Variants in DLGAP1 observed in about 807,000 individuals in gnomAD.
DLGAP1 encodes DLG associated protein 1.
A neutral mutation model predicts 90.8 loss-of-function variants in DLGAP1; 11 were observed. The ratio of observed to expected loss-of-function variants is 0.12; its 90% CI spans 0.08 to 0.20. The LOEUF (loss-of-function observed/expected upper bound fraction) is 0.20. Among genes scored for constraint, DLGAP1 ranks in the 10% least tolerant of loss-of-function variants. The pLI is 1.00. For synonymous variants in DLGAP1, 558 were observed against 540.7 expected, an observed-to-expected ratio of 1.03 and a Z score of -0.44; for missense variants, 1,050 against 1,333.8, an observed-to-expected ratio of 0.79 and a Z score of 3.31.
chr18:3,925,551 G>C (rs887401703), intron 3 of DLGAP1, among the ~76,000 whole-genome samples: 2 of 152,014 alleles, frequency 1.3e-5, no homozygotes, highest in African/African-American at 4.8e-5. Context: ...ATGAAAATGT[G>C]TATAAAAAAA....
At chr18:4,048,174 G>C (rs1247535807) in intron 2 of DLGAP1, among the ~76,000 whole-genome samples, 1 of 152,006 alleles carries the variant, frequency 6.6e-6, no homozygotes, top group East Asian at 1.9e-4. Context: ...CAGATTATTA[G>C]AAAAACAAAT....
At chr18:3,502,295 T>G (rs1369998323) in intron 12 of DLGAP1, 198 bp downstream of exon 12, 1 of 1,329,208 alleles carries the variant, frequency 7.5e-7, no homozygotes, top group Non-Finnish European at 9.6e-7. Flanking sequence ...CAGGTTTTTC[T>G]TTAAAAATAT....
intron 4 of DLGAP1, among the ~76,000 whole-genome samples, chr18:3,877,951 C>T (rs2148821503): frequency 6.6e-6 from 1 of 152,328 alleles, no homozygotes; most frequent in East Asian, 1.9e-4. Context: ...ACTCCAAGAA[C>T]AGGCTCTGGC....
At position 3,508,638 on chromosome 18, in the gene DLGAP1, C is replaced by T; in HGVS notation, c.2503G>A (p.Val835Met). Residue 835 changes from valine to methionine, a missense_variant, in exon 11 of 13, where the codon GTG (valine) becomes ATG (methionine). Physicochemically the swap from Val to Met is conservative, Grantham distance 21. Coordinates refer to ENST00000315677, the MANE Select transcript of DLGAP1 (RefSeq NM_004746.4). ...GCCATGAGAAGTTGGGCACTGCCCA[C>T]TGCGGTTCGGATTTTTCCTAGAACT... ...EDILGKIRTAVGSAQLLMAQK... is the reference protein window; with the variant it reads ...EDILGKIRTAMGSAQLLMAQK... 6.2e-7 allele frequency: 1 copy of T among 1,613,910 alleles called. No homozygotes were observed. The highest frequency in any genetic ancestry group is 8.5e-7 in the Non-Finnish European group (1 of 1,179,902).
chr18:4,453,890 C>A (rs1408167418), intron 1 of DLGAP1, among the ~76,000 whole-genome samples: 1 of 152,138 alleles, frequency 6.6e-6, no homozygotes. Context: ...CATCTCCCAC[C>A]CAGCGTCCCA....
intron 7 of DLGAP1, chr18:3,656,377 AG>A (rs1264738022): frequency 4.5e-6 from 2 of 442,654 alleles, no homozygotes; most frequent in African/African-American, 4.0e-5. Flanking sequence ...GATGGGACAA[AG>A]GCCAAGTCTG....
At chr18:3,861,576 T>G (rs540369039) in intron 4 of DLGAP1, among the ~76,000 whole-genome samples, 3 of 152,300 alleles carry the variant, frequency 2.0e-5, no homozygotes, top group African/African-American at 7.2e-5. Context: ...CAGCCTCAGA[T>G]AGAGAACACC....
At chr18:3,600,921 GATATATATAGAT>G (rs1430542019) in intron 7 of DLGAP1, among the ~76,000 whole-genome samples, 1 of 95,470 alleles carries the variant, frequency 1.0e-5, no homozygotes, top group African/African-American at 3.7e-5. Flanking sequence ...GATAGATATA[GATATATATAGAT>G]ATATAGATAG....
intron 1 of DLGAP1, among the ~76,000 whole-genome samples, chr18:4,257,825 A>G (rs1320453850): frequency 6.6e-6 from 1 of 151,550 alleles, no homozygotes; most frequent in African/African-American, 2.4e-5. Flanking sequence ...AGGTTTCACT[A>G]TGTTGGCCAG....
chr18:3,965,848 T>C (rs2073315312), intron 3 of DLGAP1, among the ~76,000 whole-genome samples: 1 of 147,874 alleles, frequency 6.8e-6, no homozygotes. Flanking sequence ...CTCAGGAGGC[T>C]GAGGCAGGAG....
chr18:4,261,060 G>A (rs942307176), intron 1 of DLGAP1, among the ~76,000 whole-genome samples: 1 of 152,206 alleles, frequency 6.6e-6, no homozygotes, highest in Non-Finnish European at 1.5e-5. Flanking sequence ...ATTCTGTCAG[G>A]AAACCTCTAG....
chr18:4,035,558 C>T (rs1488650730), intron 2 of DLGAP1, among the ~76,000 whole-genome samples: 1 of 152,084 alleles, frequency 6.6e-6, no homozygotes, highest in Non-Finnish European at 1.5e-5. Flanking sequence ...ATTTACTCCA[C>T]AGGAAAAAAT....
At chr18:4,438,124 A>G (rs911138748) in intron 1 of DLGAP1, among the ~76,000 whole-genome samples, 9 of 152,148 alleles carry the variant, frequency 5.9e-5, no homozygotes, top group African/African-American at 2.2e-4. Context: ...GATTTATGTA[A>G]CACCTCCCAT....
intron 1 of DLGAP1, among the ~76,000 whole-genome samples, chr18:4,349,474 G>A (rs1412727894): frequency 6.6e-6 from 1 of 152,032 alleles, no homozygotes; most frequent in Non-Finnish European, 1.5e-5. Flanking sequence ...ACAGAGGGTA[G>A]AATGGTGGCT....
At chr18:3,888,362 C>A (rs1173061016) in intron 3 of DLGAP1, among the ~76,000 whole-genome samples, 1 of 151,942 alleles carries the variant, frequency 6.6e-6, no homozygotes, top group South Asian at 2.1e-4. Flanking sequence ...CTGAAATATA[C>A]CAATTATATT....
intron 1 of DLGAP1, among the ~76,000 whole-genome samples, chr18:4,337,075 C>G (rs2081084225): frequency 6.8e-6 from 1 of 147,902 alleles, no homozygotes; most frequent in South Asian, 2.1e-4. Context: ...GATTGTGCCA[C>G]TGCACTCCAG....
chr18:3,797,251 G>A lies in DLGAP1; in HGVS notation c.1172+16808C>T, dbSNP rs149339322. On this transcript the variant is annotated intron_variant, in intron 5 of 12. Coordinates refer to ENST00000315677, the MANE Select transcript of DLGAP1 (RefSeq NM_004746.4). ...GGAGGCAGGGGAATTGCTTTAACCC[G>A]GGAGGCAGAGGTTGCAGTGAGCCGG... 2.2e-3 allele frequency among the ~76,000 whole-genome samples: 338 copies of A among 152,092 alleles called. 8 individuals carry two copies. The highest frequency in any genetic ancestry group is 0.02 in the Admixed American group (299 of 15,270).
chr18:3,540,265 G>A (rs973079858), intron 9 of DLGAP1, among the ~76,000 whole-genome samples: 4 of 151,724 alleles, frequency 2.6e-5, no homozygotes, highest in East Asian at 1.9e-4. Flanking sequence ...CCAGGAGTTC[G>A]AGACCAGCCT....
rs111317733 is a variant in DLGAP1 at position 3,938,785 on chromosome 18, G to T, written c.-72-58645C>A. On this transcript the variant is annotated intron_variant, in intron 3 of 12. Coordinates refer to ENST00000315677, the MANE Select transcript of DLGAP1 (RefSeq NM_004746.4). ...GGGCCATGGTGGGGACTTCAGAGATGCTCTAAGAATAATGGGAGGTGGCTG... is the reference window on the plus strand; with the variant it reads ...GGGCCATGGTGGGGACTTCAGAGATTCTCTAAGAATAATGGGAGGTGGCTG... 1.8e-3 allele frequency among the ~76,000 whole-genome samples: 278 copies of T among 152,278 alleles called. 2 individuals carry two copies. Among genetic ancestry groups the T allele is most frequent in the African/African-American group, 6.3e-3 (262 of 41,578 alleles).
Sources: gnomAD v4.1 joint callset for allele counts (sites outside exome capture counted in the v4.1 genomes callset) on GRCh38, gnomAD v4.1.1 for gene constraint, MANE v1.5 for transcripts, NCBI Gene and HGNC (gene_info 2026-07-23, HGNC 2026-07-21) for gene names.